The following CYP2J2 variants were observed in gnomAD, a reference collection of about 807,000 sequenced individuals.
The protein encoded by CYP2J2 is cytochrome P450 family 2 subfamily J member 2.
A neutral mutation model predicts 48.8 loss-of-function variants in CYP2J2; 41 were observed. The observed-to-expected ratio is 0.84, with a 90% CI of 0.66 to 1.09. The LOEUF is 1.09. Among genes scored for constraint, CYP2J2 ranks in the 50% least tolerant of loss-of-function variants. The pLI is 0.00. For synonymous variants in CYP2J2, 221 were observed against 227.1 expected, an observed-to-expected ratio of 0.97 and a Z score of 0.24; for missense variants, 644 against 617.3, an observed-to-expected ratio of 1.04 and a Z score of -0.46.
chr1:59,968,986 C>T, the CYP2J2 span, among the ~76,000 whole-genome samples: 1 of 152,110 alleles, frequency 6.6e-6, no homozygotes, highest in Non-Finnish European at 1.5e-5. Context: ...AGTGAAGCTG[C>T]AGACTTTCGC....
chr1:59,916,357 T>C (rs1046999079), intron 1 of CYP2J2, among the ~76,000 whole-genome samples: 2 of 152,190 alleles, frequency 1.3e-5, no homozygotes, highest in African/African-American at 4.8e-5. Context: ...TAAATATCTA[T>C]TTATGTATTC....
intron 6 of CYP2J2, among the ~76,000 whole-genome samples, chr1:59,907,066 T>C (rs565010168): frequency 4.6e-5 from 7 of 152,182 alleles, no homozygotes; most frequent in Non-Finnish European, 1.0e-4. Flanking sequence ...ACATCATTCT[T>C]GAGTGGACTA....
At chr1:59,963,168 T>C in the CYP2J2 span, among the ~76,000 whole-genome samples, 1 of 152,208 alleles carries the variant, frequency 6.6e-6, no homozygotes, top group African/African-American at 2.4e-5. Context: ...GGAATTACAT[T>C]CTTAATTTTT....
the CYP2J2 span, among the ~76,000 whole-genome samples, chr1:59,953,593 A>T: frequency 1.3e-5 from 2 of 151,978 alleles, no homozygotes; most frequent in Admixed American, 6.6e-5. Flanking sequence ...ATGGCCAAGA[A>T]GATGTGAGCA....
Position 59,911,705 on chromosome 1 carries a change from G to A in CYP2J2, c.587C>T (p.Thr196Ile). 1 of 1,613,666 alleles carries A rather than the reference G, an allele frequency of 6.2e-7. No individual in the cohort carries two copies. Among genetic ancestry groups the A allele is most frequent in the South Asian group, 1.1e-5 (1 of 91,032 alleles). The change falls in exon 4 of 9, where the codon ACC (threonine) becomes ATC (isoleucine). Residue 196 changes from threonine (T) to isoleucine (I), a missense_variant. Transcript: ENST00000371204. ...NAVSNIICSITFGERFEYQDS... is the reference protein window; with the variant it reads ...NAVSNIICSIIFGERFEYQDS... ...CTGGTACTCAAAGCGTTCTCCGAAG[G>A]TGATGGAGCAAATGATATTGGAAAC...
chr1:59,926,514 T>C (rs374680120), intron 1 of CYP2J2, 23 bp downstream of exon 1: 32 of 1,597,642 alleles, frequency 2.0e-5, no homozygotes, highest in Non-Finnish European at 2.7e-5. Flanking sequence ...CAGGACACGC[T>C]AGGCACCTTC....
the CYP2J2 span, among the ~76,000 whole-genome samples, chr1:59,937,673 A>G: frequency 1.3e-5 from 2 of 152,030 alleles, no homozygotes; most frequent in Admixed American, 6.5e-5. Flanking sequence ...CTCTTTCTCT[A>G]TCTCATCTTT....
chr1:59,961,263 GA>G, the CYP2J2 span, among the ~76,000 whole-genome samples: 2 of 151,984 alleles, frequency 1.3e-5, no homozygotes, highest in Non-Finnish European at 2.9e-5. Flanking sequence ...TATCCACAAA[GA>G]AGTCACATAA....
At chr1:59,941,873 TAA>T in the CYP2J2 span, among the ~76,000 whole-genome samples, 1 of 152,302 alleles carries the variant, frequency 6.6e-6, no homozygotes, top group East Asian at 1.9e-4. Context: ...TCAACAAATT[TAA>T]AAGTTTATAA....
chr1:59,912,727 C>A, intron 2 of CYP2J2: 1 of 168,554 alleles, frequency 5.9e-6, no homozygotes, highest in Non-Finnish European at 1.3e-5. Flanking sequence ...TTATTAGTTA[C>A]ATAAGTAAAG....
the CYP2J2 span, among the ~76,000 whole-genome samples, chr1:59,953,185 A>G: frequency 3.7e-3 from 568 of 152,270 alleles, 2 homozygotes; most frequent in African/African-American, 0.013. Context: ...GTCAGAGCCC[A>G]GGGAAGTTCT....
At chr1:59,936,564 C>T in the CYP2J2 span, among the ~76,000 whole-genome samples, 6 of 152,318 alleles carry the variant, frequency 3.9e-5, no homozygotes, top group African/African-American at 1.4e-4. Context: ...GGGGTGCCGT[C>T]TCTAGTCCTT....
intron 5 of CYP2J2, among the ~76,000 whole-genome samples, chr1:59,909,298 T>C (rs1644390784): frequency 6.6e-6 from 1 of 152,164 alleles, no homozygotes; most frequent in Non-Finnish European, 1.5e-5. Context: ...TGTTACTTTA[T>C]AGGGAAAAAG....
the CYP2J2 span, among the ~76,000 whole-genome samples, chr1:59,957,716 C>T: frequency 1.3e-5 from 2 of 150,410 alleles, no homozygotes; most frequent in African/African-American, 4.9e-5. Context: ...CACACACACA[C>T]CACACACACA....
chr1:59,961,998 G>A, the CYP2J2 span, among the ~76,000 whole-genome samples: 3 of 151,932 alleles, frequency 2.0e-5, no homozygotes, highest in Admixed American at 6.6e-5. Context: ...TAGTGATAAG[G>A]GATTTTTTTT....
At chr1:59,925,642 A>G (rs957831733) in intron 1 of CYP2J2, among the ~76,000 whole-genome samples, 2 of 152,188 alleles carry the variant, frequency 1.3e-5, no homozygotes, top group African/African-American at 4.8e-5. Flanking sequence ...AGTATTACCA[A>G]TTGGGTATTT....
intron 2 of CYP2J2, among the ~76,000 whole-genome samples, chr1:59,913,590 C>T (rs950357489): frequency 1.3e-5 from 2 of 152,316 alleles, no homozygotes; most frequent in Non-Finnish European, 2.9e-5. Context: ...ACCTCCTTCT[C>T]CCTGCACCTA....
At position 59,904,936 on chromosome 1, in the gene CYP2J2, T is replaced by A; in HGVS notation, c.1126A>T (p.Ile376Phe). ...ACTTCCCTGGGAACGTTCAGGGGGA[T>A]GATGTTGCCCATTCTCTGCACCTCA... is the stretch of plus-strand genomic sequence containing the variant. Reference protein sequence around the residue: ...IHEVQRMGNIIPLNVPREVTV... With the variant: ...IHEVQRMGNIFPLNVPREVTV... The change falls in exon 7 of 9, where the codon ATC becomes TTC. Residue 376 changes from isoleucine (I) to phenylalanine (F), a missense_variant. Transcript: ENST00000371204. 6.2e-7 allele frequency: 1 copy of A among 1,613,930 alleles called. No individual in the cohort carries two copies. The highest frequency in any genetic ancestry group is 8.5e-7 in the Non-Finnish European group (1 of 1,179,934).
At chr1:59,943,199 G>A in the CYP2J2 span, among the ~76,000 whole-genome samples, 4 of 152,134 alleles carry the variant, frequency 2.6e-5, no homozygotes, top group East Asian at 5.8e-4. Context: ...AGGACTGGAC[G>A]AAATCACCTA....
Sources: allele counts gnomAD v4.1 joint callset (sites outside exome capture counted in the v4.1 genomes callset), GRCh38; gene constraint gnomAD v4.1.1; transcripts MANE v1.5; gene names NCBI Gene and HGNC (gene_info 2026-07-23, HGNC 2026-07-21).